The following PHLDB2 variants were observed in gnomAD, a reference collection of about 807,000 sequenced individuals.
PHLDB2 encodes the protein pleckstrin homology like domain family B member 2.
Under a neutral mutation model 123.6 loss-of-function variants are expected in PHLDB2, and 71 were observed. The observed-to-expected ratio is 0.57, with a 90% confidence interval of 0.47 to 0.70. The LOEUF (loss-of-function observed/expected upper bound fraction) is 0.70, where lower values mean the gene tolerates loss of function less well. Among genes scored for constraint, PHLDB2 ranks in the 30% least tolerant of loss-of-function variants. The pLI is 0.00. For synonymous variants in PHLDB2, 547 were observed against 541.6 expected, an observed-to-expected ratio of 1.01 and a Z score of -0.14; for missense variants, 1,446 against 1,519.5, an observed-to-expected ratio of 0.95 and a Z score of 0.80.
chr3:111,971,921 A>G (rs1994731), intron 16 of PHLDB2, among the ~76,000 whole-genome samples: 59,171 of 152,090 alleles, frequency 0.39, 12,084 homozygotes, highest in East Asian at 0.56. Context: ...AGGCCTAGAA[A>G]ATATGTCTGC....
At position 111,947,362 on chromosome 3, in the gene PHLDB2, A is replaced by G. The variant is rs141413945; in HGVS notation, c.2488-1570A>G. 7.7e-4 allele frequency among the ~76,000 whole-genome samples: 118 copies of G among 152,296 alleles called. 2 individuals are homozygous for G. In the East Asian group the frequency reaches 0.021, roughly 27 times the overall value. On this transcript the variant is annotated intron_variant, in intron 9 of 17. Transcript: ENST00000431670. ...TTGTTGAGTACAACAATGAGTTGCT[A>G]TGAGAACACATGGCAATTCTTGTGC... is the stretch of plus-strand genomic sequence containing the variant.
At chr3:111,826,918 T>C (rs935315776) in intron 1 of PHLDB2, among the ~76,000 whole-genome samples, 3 of 152,102 alleles carry the variant, frequency 2.0e-5, no homozygotes, top group Non-Finnish European at 4.4e-5. Context: ...ATGATGATGA[T>C]GGAAATGACG....
intron 1 of PHLDB2, among the ~76,000 whole-genome samples, chr3:111,825,800 GT>G (rs941211256): frequency 3.3e-5 from 5 of 151,968 alleles, no homozygotes; most frequent in African/African-American, 1.2e-4. Flanking sequence ...CTTTATGAAG[GT>G]TTTTTTAATT....
chr3:111,885,545 CT>C, intron 2 of PHLDB2, 133 bp downstream of exon 2: 2 of 1,145,936 alleles, frequency 1.7e-6, no homozygotes, highest in Non-Finnish European at 2.6e-6. Flanking sequence ...TGCTATCTTT[CT>C]CTTCTCTCCT....
chr3:111,881,429 T>C (rs1404765825), intron 1 of PHLDB2, among the ~76,000 whole-genome samples: 1 of 152,216 alleles, frequency 6.6e-6, no homozygotes, highest in Non-Finnish European at 1.5e-5. Context: ...ATATAACTTA[T>C]TACTGCAATA....
intron 12 of PHLDB2, among the ~76,000 whole-genome samples, chr3:111,955,095 C>T (rs2070961198): frequency 6.7e-6 from 1 of 148,798 alleles, no homozygotes; most frequent in Admixed American, 6.7e-5. Context: ...CATATACATA[C>T]ATAAATTTAT....
chr3:111,780,399 A>AGAAGAAGAAGAAGAAGAAGAAGAAGAAG lies in PHLDB2; in HGVS notation c.-49+47708_-49+47709insGAAGAAGAAGAAGAAGGAAGAAGAAGAA, dbSNP rs1553726797. On this transcript the variant is annotated intron_variant, in intron 1 of 17. Coordinates refer to the PHLDB2 transcript ENST00000393923. ...AAGAAGAAGAAGAAGAAGAAGAAGA[A>AGAAGAAGAAGAAGAAGAAGAAGAAGAAG]GAAGAAGAAGAAAAAGATTAGTTCG... 6.4e-3 allele frequency among the ~76,000 whole-genome samples: 480 copies of AGAAGAAGAAGAAGAAGAAGAAGAAGAAG among 74,450 alleles called. 186 individuals carry two copies. The highest frequency in any genetic ancestry group is 0.02 in the East Asian group (47 of 2,306). 48.8% of individuals were successfully genotyped at this position (74,450 alleles called of 152,430 possible). A position where few individuals can be genotyped will look rare whatever the true frequency, so the allele number is the denominator to read the frequency against.
chr3:111,750,857 A>T (rs1363793943), intron 1 of PHLDB2, among the ~76,000 whole-genome samples: 1 of 151,820 alleles, frequency 6.6e-6, no homozygotes, highest in Non-Finnish European at 1.5e-5. Context: ...GAGGCATGAG[A>T]ATCACTTGAA....
At chr3:111,893,965 T>C (rs1221357483) in intron 2 of PHLDB2, among the ~76,000 whole-genome samples, 1 of 148,510 alleles carries the variant, frequency 6.7e-6, no homozygotes, top group Non-Finnish European at 1.5e-5. Flanking sequence ...ATTGTGCAGG[T>C]TAGTTACATA....
chr3:111,868,317 G>A (rs914258205), intron 1 of PHLDB2, among the ~76,000 whole-genome samples: 2 of 152,144 alleles, frequency 1.3e-5, no homozygotes, highest in Admixed American at 6.6e-5. Flanking sequence ...ACCTTGCCTA[G>A]CTTCATACAT....
chr3:111,955,087 TATAC>T (rs1056791077), intron 12 of PHLDB2, among the ~76,000 whole-genome samples: 14 of 150,942 alleles, frequency 9.3e-5, no homozygotes, highest in Non-Finnish European at 2.9e-5. Context: ...ATATGCTACA[TATAC>T]ATACATAAAT....
chr3:111,851,979 C>A (rs1217547261), intron 2 of PHLDB2, among the ~76,000 whole-genome samples: 2 of 151,768 alleles, frequency 1.3e-5, no homozygotes, highest in African/African-American at 2.4e-5. Flanking sequence ...ATATGAAACT[C>A]ACATATGTTG....
At chr3:111,921,026 T>C (rs2068469149) in intron 5 of PHLDB2, among the ~76,000 whole-genome samples, 1 of 152,208 alleles carries the variant, frequency 6.6e-6, no homozygotes, top group South Asian at 2.1e-4. Context: ...CAGTTGACAC[T>C]TATCTTGGAA....
At chr3:111,848,241 G>A (rs924426577) in intron 2 of PHLDB2, among the ~76,000 whole-genome samples, 2 of 152,098 alleles carry the variant, frequency 1.3e-5, no homozygotes, top group African/African-American at 4.8e-5. Context: ...AATAGCCCAT[G>A]AGAGATAAAA....
intron 1 of PHLDB2, among the ~76,000 whole-genome samples, chr3:111,759,476 T>A (rs1326893264): frequency 1.3e-5 from 2 of 152,238 alleles, no homozygotes; most frequent in African/African-American, 2.4e-5. Context: ...GACACCAACA[T>A]TTAGACCACA....
intron 1 of PHLDB2, among the ~76,000 whole-genome samples, chr3:111,844,897 CAAATGGGAGGCCTTACTT>C (rs1176160054): frequency 1.3e-5 from 2 of 152,144 alleles, no homozygotes; most frequent in African/African-American, 4.8e-5. Flanking sequence ...AGGTGTACAA[CAAATGGGAGGCCTTACTT>C]ACATGATAGT....
At chr3:111,747,206 C>T (rs2107948040) in intron 1 of PHLDB2, among the ~76,000 whole-genome samples, 1 of 152,054 alleles carries the variant, frequency 6.6e-6, no homozygotes, top group South Asian at 2.1e-4. Flanking sequence ...GCATAGCAAG[C>T]TTCCATAGCT....
chr3:111,851,255 G>C (rs1295641305), intron 2 of PHLDB2, among the ~76,000 whole-genome samples: 2 of 147,980 alleles, frequency 1.4e-5, no homozygotes, highest in Non-Finnish European at 3.0e-5. Context: ...CCTGAGAGAA[G>C]CAATGACATT....
chr3:111,752,549 G>C (rs1033532443), intron 1 of PHLDB2, among the ~76,000 whole-genome samples: 4 of 151,584 alleles, frequency 2.6e-5, no homozygotes, highest in Non-Finnish European at 5.9e-5. Flanking sequence ...CTATTTTGCT[G>C]TTAGTATATA....
Sources: gnomAD v4.1 joint callset for allele counts (sites outside exome capture counted in the v4.1 genomes callset) on GRCh38, gnomAD v4.1.1 for gene constraint, MANE v1.5 for transcripts, NCBI Gene and HGNC (gene_info 2026-07-23, HGNC 2026-07-21) for gene names.